The following ANKS1B variants were observed in gnomAD, a reference collection of about 807,000 sequenced individuals.
ANKS1B encodes ankyrin repeat and sterile alpha motif domain containing 1B, also known as ankyrin repeat and sterile alpha motif domain-containing protein 1B.
A neutral mutation model predicts 148.3 loss-of-function variants in ANKS1B; 36 were observed. That is an observed-to-expected ratio of 0.24 (90% CI 0.19 to 0.32). The LOEUF (loss-of-function observed/expected upper bound fraction) is 0.32, where lower values mean the gene tolerates loss of function less well. Among genes scored for constraint, ANKS1B ranks in the 10% least tolerant of loss-of-function variants. ANKS1B has a pLI of 1.00. For missense variants in ANKS1B, 1,157 were observed against 1,542.6 expected (o/e 0.75, Z 4.19); for synonymous variants, 542 against 560.8 (o/e 0.97, Z 0.47).
At chr12:98,870,823 C>T (rs989353870) in intron 17 of ANKS1B, among the ~76,000 whole-genome samples, 2 of 152,200 alleles carry the variant, frequency 1.3e-5, no homozygotes, top group South Asian at 2.1e-4. Context: ...CACTCAATGC[C>T]GTACCAGGCT....
chr12:98,872,454 A>G (rs1340673388), intron 17 of ANKS1B, among the ~76,000 whole-genome samples: 1 of 152,122 alleles, frequency 6.6e-6, no homozygotes, highest in Non-Finnish European at 1.5e-5. Flanking sequence ...CAGGAGAATC[A>G]CTTGAGTCCA....
chr12:99,511,735 A>G (rs1230248918), intron 9 of ANKS1B, among the ~76,000 whole-genome samples: 3 of 152,046 alleles, frequency 2.0e-5, no homozygotes, highest in African/African-American at 7.2e-5. Context: ...ATGGAACAGA[A>G]TAGAGAACTC....
chr12:98,880,950 A>C (rs1489120391), intron 17 of ANKS1B, among the ~76,000 whole-genome samples: 1 of 152,150 alleles, frequency 6.6e-6, no homozygotes. Flanking sequence ...AACCGAAAAA[A>C]AATTTTGAAT....
intron 12 of ANKS1B, among the ~76,000 whole-genome samples, chr12:99,398,647 T>C (rs2094319080): frequency 6.6e-6 from 1 of 152,282 alleles, no homozygotes; most frequent in East Asian, 1.9e-4. Flanking sequence ...CCTGTGAGCT[T>C]GGCTGCTGAA....
chr12:99,085,450 G>A (rs1318650644), intron 15 of ANKS1B, among the ~76,000 whole-genome samples: 1 of 151,920 alleles, frequency 6.6e-6, no homozygotes, highest in African/African-American at 2.4e-5. Context: ...AAGATTATCA[G>A]TGACTTACAC....
intron 1 of ANKS1B, among the ~76,000 whole-genome samples, chr12:99,943,828 C>T (rs539648851): frequency 1.3e-5 from 2 of 152,082 alleles, no homozygotes; most frequent in East Asian, 1.9e-4. Context: ...TTAAATTATA[C>T]TTTAAGTTCT....
At chr12:98,884,785 G>A (rs1047480285) in intron 17 of ANKS1B, among the ~76,000 whole-genome samples, 4 of 130,254 alleles carry the variant, frequency 3.1e-5, no homozygotes, top group Admixed American at 9.2e-5. Context: ...CGACCTGGGC[G>A]ACAGAGCGAG....
At chr12:98,931,470 T>C (rs2099813631) in intron 17 of ANKS1B, among the ~76,000 whole-genome samples, 1 of 152,202 alleles carries the variant, frequency 6.6e-6, no homozygotes, top group South Asian at 2.1e-4. Flanking sequence ...TCCTTTCTCC[T>C]GTTTTCTATT....
chr12:99,221,147 G>C (rs113062043), intron 14 of ANKS1B, among the ~76,000 whole-genome samples: 18,648 of 152,002 alleles, frequency 0.12, 1,363 homozygotes, highest in South Asian at 0.25. Flanking sequence ...AGACCATCCT[G>C]GCTAACATGG....
chr12:99,399,677 A>AGAG lies in ANKS1B; in HGVS notation c.1707_1709dup (p.Ser571dup). On this transcript the variant is annotated inframe_insertion, in exon 12 of 27. Coordinates refer to ENST00000683438, the MANE Select transcript of ANKS1B (RefSeq NM_001352186.2). ...TCTTGACTTCTGTGGTTCCCACAGA[A>AGAG]GAGGTGGGTGGACTAGCAGGAGGAC... 6.2e-7 allele frequency: 1 copy of AGAG among 1,613,500 alleles called. No homozygotes were observed. Among genetic ancestry groups the AGAG allele is most frequent in the Non-Finnish European group, 8.5e-7 (1 of 1,179,504 alleles).
At chr12:98,840,451 G>A (rs1156426283) in intron 17 of ANKS1B, among the ~76,000 whole-genome samples, 4 of 152,158 alleles carry the variant, frequency 2.6e-5, no homozygotes. Flanking sequence ...GAGGTTCCAA[G>A]TTATACAGCT....
chr12:99,839,967 C>T (rs1045918658), intron 1 of ANKS1B, among the ~76,000 whole-genome samples: 1 of 152,174 alleles, frequency 6.6e-6, no homozygotes, highest in South Asian at 2.1e-4. Flanking sequence ...CAAAAAATAG[C>T]TATTGAGTAT....
chr12:99,021,012 A>T (rs983456501), intron 17 of ANKS1B, among the ~76,000 whole-genome samples: 1 of 152,144 alleles, frequency 6.6e-6, no homozygotes, highest in Admixed American at 6.6e-5. Flanking sequence ...AAATCTAATG[A>T]TATCTATGAT....
At chr12:99,787,268 G>A (rs2065106012) in intron 4 of ANKS1B, among the ~76,000 whole-genome samples, 1 of 152,106 alleles carries the variant, frequency 6.6e-6, no homozygotes, top group South Asian at 2.1e-4. Context: ...CTGTTCTCAT[G>A]ATAGTGAGTT....
At chr12:99,343,626 G>A (rs1351568077) in intron 12 of ANKS1B, 1 of 151,902 alleles carries the variant, frequency 6.6e-6, no homozygotes, top group Non-Finnish European at 1.5e-5. Flanking sequence ...TAAAATCTCT[G>A]TGCTGGCAAA....
intron 12 of ANKS1B, among the ~76,000 whole-genome samples, chr12:99,281,522 A>T (rs2078452817): frequency 6.6e-6 from 1 of 152,216 alleles, no homozygotes; most frequent in Non-Finnish European, 1.5e-5. Context: ...TGACTCATCC[A>T]GTCTGGCTCT....
Position 98,978,585 on chromosome 12 carries a change from TC to T in ANKS1B, c.2778+74571del, listed in dbSNP as rs200663467. 8.1e-3 allele frequency among the ~76,000 whole-genome samples: 1,238 copies of T among 152,264 alleles called. 6 individuals are homozygous for T. The highest frequency in any genetic ancestry group is 0.01 in the Non-Finnish European group (685 of 68,010). ...TAAAACTTAAAATAAATTTCTATAT[TC>T]TTTTTTCTGGTATACTGTCTATGCA... On this transcript the variant is annotated intron_variant, in intron 17 of 26. Coordinates refer to ENST00000683438, the MANE Select transcript of ANKS1B (RefSeq NM_001352186.2).
At chr12:98,943,958 G>C (rs2099841071) in intron 17 of ANKS1B, among the ~76,000 whole-genome samples, 1 of 152,174 alleles carries the variant, frequency 6.6e-6, no homozygotes, top group Non-Finnish European at 1.5e-5. Flanking sequence ...CATCCCCTTG[G>C]TGATGAATGA....
intron 11 of ANKS1B, among the ~76,000 whole-genome samples, chr12:99,416,203 C>A (rs893592605): frequency 5.9e-4 from 90 of 152,192 alleles, no homozygotes; most frequent in African/African-American, 2.1e-3. Flanking sequence ...TAGCTTGCTC[C>A]ATTTTATTGC....
Sources: allele counts gnomAD v4.1 joint callset (sites outside exome capture counted in the v4.1 genomes callset), GRCh38; gene constraint gnomAD v4.1.1; transcripts MANE v1.5; gene names NCBI Gene and HGNC (gene_info 2026-07-23, HGNC 2026-07-21).